SLC25A48: variants seen among roughly 807,000 people sequenced by gnomAD.
SLC25A48 encodes the protein solute carrier family 25 member 48.
SLC25A48 carries 29 observed loss-of-function variants against 32.2 expected under a neutral mutation model. The ratio of observed to expected loss-of-function variants is 0.90; its 90% CI spans 0.67 to 1.23. The LOEUF is 1.23. SLC25A48 is among the 50% of genes most tolerant of loss of function. The pLI, the probability that SLC25A48 is intolerant of heterozygous loss-of-function variation, is 0.00. For synonymous variants in SLC25A48, 164 were observed against 172.3 expected (o/e 0.95, Z 0.38); for missense variants, 399 against 422.7 (o/e 0.94, Z 0.49).
intron 3 of SLC25A48, among the ~76,000 whole-genome samples, chr5:135,722,246 C>G (rs570808445): frequency 3.9e-5 from 6 of 152,324 alleles, no homozygotes; most frequent in Admixed American, 3.9e-4. Flanking sequence ...TGTGCTTGCT[C>G]TATCTGAAAG....
chr5:135,636,797 A>T (rs1017177104), intron 3 of SLC25A48, among the ~76,000 whole-genome samples: 1 of 152,366 alleles, frequency 6.6e-6, no homozygotes, highest in Non-Finnish European at 1.5e-5. Flanking sequence ...CGTTACCTCG[A>T]GGTTGAGTAA....
At chr5:135,650,054 C>T (rs1753070256) in intron 3 of SLC25A48, 1 of 165,414 alleles carries the variant, frequency 6.0e-6, no homozygotes, top group African/African-American at 2.4e-5. Flanking sequence ...TCGCCCTTTT[C>T]TTATGATCAT....
chr5:135,853,180 C>T (rs1410410514), intron 4 of SLC25A48, among the ~76,000 whole-genome samples: 8 of 152,168 alleles, frequency 5.3e-5, no homozygotes, highest in African/African-American at 1.4e-4. Context: ...GAGTATTCAG[C>T]GAGTCGTAAT....
intron 3 of SLC25A48, among the ~76,000 whole-genome samples, chr5:135,676,629 G>A (rs1246863647): frequency 6.6e-6 from 1 of 151,868 alleles, no homozygotes; most frequent in Admixed American, 6.6e-5. Context: ...CACTGCTTTT[G>A]CAGTATCCCA....
intron 3 of SLC25A48, among the ~76,000 whole-genome samples, chr5:135,724,822 A>G (rs752760577): frequency 2.6e-4 from 40 of 152,238 alleles, no homozygotes; most frequent in African/African-American, 6.3e-4. Flanking sequence ...GGCTGGTGCC[A>G]TCATGTAACC....
intron 3 of SLC25A48, among the ~76,000 whole-genome samples, chr5:135,642,143 C>T (rs931932050): frequency 2.6e-5 from 4 of 152,218 alleles, no homozygotes; most frequent in South Asian, 2.1e-4. Context: ...GACCTTCGCA[C>T]GCTTGGGGGC....
chr5:135,650,276 C>G, intron 3 of SLC25A48: 1 of 385,126 alleles, frequency 2.6e-6, no homozygotes, highest in Non-Finnish European at 5.1e-6. Flanking sequence ...AATTGCTACT[C>G]AAAGTTTGGT....
At chr5:135,632,512 TG>T (rs1369845249) in intron 2 of SLC25A48, among the ~76,000 whole-genome samples, 1 of 152,166 alleles carries the variant, frequency 6.6e-6, no homozygotes, top group South Asian at 2.1e-4. Context: ...GTCTAGTTTC[TG>T]GCCAGAAAAC....
chr5:135,724,172 G>A (rs1031063583), intron 3 of SLC25A48, among the ~76,000 whole-genome samples: 14 of 152,116 alleles, frequency 9.2e-5, no homozygotes, highest in Admixed American at 5.9e-4. Flanking sequence ...TTTTCTAAGA[G>A]CTGCCATTTA....
At chr5:135,600,556 T>C (rs1401783137) in intron 1 of SLC25A48, among the ~76,000 whole-genome samples, 4 of 152,192 alleles carry the variant, frequency 2.6e-5, no homozygotes, top group African/African-American at 9.7e-5. Flanking sequence ...TTCTGTATCT[T>C]TGTTCCTCCT....
chr5:135,750,657 C>T (rs764651560), intron 3 of SLC25A48, among the ~76,000 whole-genome samples: 1 of 152,112 alleles, frequency 6.6e-6, no homozygotes, highest in Non-Finnish European at 1.5e-5. Context: ...CCCACAGCAC[C>T]CCCTGTATCC....
chr5:135,726,741 A>G (rs1755099829), intron 3 of SLC25A48, among the ~76,000 whole-genome samples: 1 of 152,202 alleles, frequency 6.6e-6, no homozygotes, highest in African/African-American at 2.4e-5. Flanking sequence ...GGTTATGTCC[A>G]GTTTTTGGCT....
At chr5:135,681,180 G>T (rs1753889452) in intron 3 of SLC25A48, among the ~76,000 whole-genome samples, 1 of 152,094 alleles carries the variant, frequency 6.6e-6, no homozygotes, top group African/African-American at 2.4e-5. Context: ...TCTCCATGTT[G>T]GTCAGGCTGG....
At chr5:135,788,751 C>A (rs62364675) in intron 3 of SLC25A48, among the ~76,000 whole-genome samples, 3 of 146,476 alleles carry the variant, frequency 2.0e-5, no homozygotes, top group South Asian at 4.4e-4. Flanking sequence ...CCCTGCCATA[C>A]GATCCGTAAT....
At chr5:135,735,777 T>G (rs1755346766) in intron 3 of SLC25A48, among the ~76,000 whole-genome samples, 1 of 152,142 alleles carries the variant, frequency 6.6e-6, no homozygotes, top group African/African-American at 2.4e-5. Flanking sequence ...CACTCCAGGT[T>G]AAATTGTAGG....
intron 3 of SLC25A48, among the ~76,000 whole-genome samples, chr5:135,725,370 G>A (rs1755065398): frequency 6.6e-6 from 1 of 152,186 alleles, no homozygotes; most frequent in South Asian, 2.1e-4. Context: ...AGTGGTCAGG[G>A]ATGGCCCTTC....
chr5:135,580,673 C>T (rs188972414), intron 1 of SLC25A48, among the ~76,000 whole-genome samples: 94 of 152,174 alleles, frequency 6.2e-4, no homozygotes, highest in African/African-American at 2.2e-3. Context: ...TAGTTTTTAA[C>T]TCTAAAAATA....
At chr5:135,727,281 G>T in intron 3 of SLC25A48, among the ~76,000 whole-genome samples, 1 of 137,426 alleles carries the variant, frequency 7.3e-6, no homozygotes, top group East Asian at 2.5e-4. Flanking sequence ...ACATATATAT[G>T]TATGTACACA....
chr5:135,878,078 G>T (rs1762183864), intron 6 of SLC25A48, among the ~76,000 whole-genome samples: 1 of 152,188 alleles, frequency 6.6e-6, no homozygotes, highest in African/African-American at 2.4e-5. Context: ...GAGTGAGGGG[G>T]GACTCGGTCT....
Sources: gnomAD v4.1 joint callset for allele counts (sites outside exome capture counted in the v4.1 genomes callset) on GRCh38, gnomAD v4.1.1 for gene constraint, MANE v1.5 for transcripts, NCBI Gene and HGNC (gene_info 2026-07-23, HGNC 2026-07-21) for gene names.